The following PPFIBP2 variants were observed in gnomAD, a reference collection of about 807,000 sequenced individuals.
PPFIBP2 encodes the protein liprin-beta-2.
PPFIBP2 carries 118 observed loss-of-function variants against 118.3 expected under a neutral mutation model. The ratio of observed to expected loss-of-function variants is 1.00; its 90% CI spans 0.86 to 1.16. The LOEUF is 1.16. PPFIBP2 is among the 50% of genes most tolerant of loss of function. The pLI is 0.00. For synonymous variants in PPFIBP2, 414 were observed against 397.4 expected (o/e 1.04, Z -0.50); for missense variants, 1,195 against 1,073.1 (o/e 1.11, Z -1.59).
chr11:7,666,540 T>C, the PPFIBP2 span: 2 of 1,612,794 alleles, frequency 1.2e-6, no homozygotes, highest in East Asian at 4.5e-5. Context: ...GACCAAGATA[T>C]CCTCCTCTGT....
intron 3 of PPFIBP2, among the ~76,000 whole-genome samples, chr11:7,582,079 G>T (rs1857346854): frequency 6.6e-6 from 1 of 151,908 alleles, no homozygotes; most frequent in Non-Finnish European, 1.5e-5. Flanking sequence ...CTCAGATGAT[G>T]CGCCCGCCTC....
chr11:7,590,893 G>T (rs553443643), intron 3 of PPFIBP2, among the ~76,000 whole-genome samples: 2 of 152,292 alleles, frequency 1.3e-5, no homozygotes, highest in East Asian at 3.9e-4. Flanking sequence ...CTATGAAAAC[G>T]TGAAGTTTCT....
At chr11:7,628,200 A>C in intron 8 of PPFIBP2, 85 bp from the exon 9 acceptor site, 1 of 1,173,014 alleles carries the variant, frequency 8.5e-7, no homozygotes, top group Non-Finnish European at 1.2e-6. Context: ...GCAAGTCTTC[A>C]TTTGAACTTG....
intron 5 of PPFIBP2, among the ~76,000 whole-genome samples, chr11:7,609,458 G>C (rs977575368): frequency 6.6e-6 from 1 of 152,260 alleles, no homozygotes; most frequent in Non-Finnish European, 1.5e-5. Flanking sequence ...TGGACTTTAG[G>C]AAATGCTCCT....
chr11:7,652,651 G>C (rs1385007788), intron 23 of PPFIBP2, among the ~76,000 whole-genome samples: 1 of 152,236 alleles, frequency 6.6e-6, no homozygotes, highest in African/African-American at 2.4e-5. Flanking sequence ...AGATGGGAAA[G>C]GGTTGGGGTG....
At chr11:7,642,762 T>C (rs1204585449) in intron 17 of PPFIBP2, among the ~76,000 whole-genome samples, 1 of 152,256 alleles carries the variant, frequency 6.6e-6, no homozygotes, top group Non-Finnish European at 1.5e-5. Flanking sequence ...TAATTACTGG[T>C]TATGATATGT....
At chr11:7,605,484 C>T (rs1424981055) in intron 5 of PPFIBP2, among the ~76,000 whole-genome samples, 2 of 152,188 alleles carry the variant, frequency 1.3e-5, no homozygotes, top group South Asian at 4.1e-4. Flanking sequence ...CAAATTTGTA[C>T]AGAAACCAAC....
At chr11:7,552,746 A>G (rs755302416) in intron 2 of PPFIBP2, among the ~76,000 whole-genome samples, 31 of 152,080 alleles carry the variant, frequency 2.0e-4, no homozygotes, top group South Asian at 4.2e-4. Context: ...CACTTTAACC[A>G]TGAGCTTGCC....
At chr11:7,632,037 A>T (rs1850827716) in intron 11 of PPFIBP2, among the ~76,000 whole-genome samples, 1 of 152,234 alleles carries the variant, frequency 6.6e-6, no homozygotes, top group African/African-American at 2.4e-5. Context: ...CATTAGCTCA[A>T]GGTGGCTCCG....
At chr11:7,552,540 A>G (rs1028272807) in intron 2 of PPFIBP2, among the ~76,000 whole-genome samples, 1 of 152,112 alleles carries the variant, frequency 6.6e-6, no homozygotes, top group Non-Finnish European at 1.5e-5. Context: ...TTGCTCCCTT[A>G]TAGACTGTTT....
chr11:7,565,637 T>A lies in PPFIBP2; in HGVS notation c.149T>A (p.Val50Glu). The part of the protein sequence containing the change: ...SPASYMNPFP[V>E]LHLIEDLRLA... ...GCCTCCTACATGAACCCCTTCCCGG[T>A]GCTCCATCTCATCGAGGACTTGAGG... The change falls in exon 3 of 24, where the codon GTG (valine) becomes GAG (glutamate). Residue 50 changes from valine to glutamate, a missense_variant. By Grantham distance (121) the Val-to-Glu change is moderately radical (BLOSUM62 -2). Transcript: ENST00000299492. The A allele has an allele frequency of 6.2e-7, 1 of 1,614,220 alleles. No homozygotes were observed. The highest frequency in any genetic ancestry group is 8.5e-7 in the Non-Finnish European group (1 of 1,180,026).
chr11:7,602,250 T>C (rs568864939), intron 5 of PPFIBP2, among the ~76,000 whole-genome samples: 21 of 152,180 alleles, frequency 1.4e-4, no homozygotes, highest in Admixed American at 6.5e-5. Context: ...ATCAAGGCAT[T>C]GCTCAGCTGC....
chr11:7,654,919 G>A (rs1458050742), downstream of PPFIBP2, among the ~76,000 whole-genome samples: 1 of 152,174 alleles, frequency 6.6e-6, no homozygotes, highest in African/African-American at 2.4e-5. Flanking sequence ...AATCTACAGT[G>A]TCTAAGTAGG....
intron 1 of PPFIBP2, among the ~76,000 whole-genome samples, chr11:7,515,049 A>C (rs75137218): frequency 0.044 from 6,757 of 152,318 alleles, 214 homozygotes; most frequent in Non-Finnish European, 0.072. Flanking sequence ...CAACTACAGA[A>C]AAGTAGTTGG....
chr11:7,588,077 C>G (rs1858536526), intron 3 of PPFIBP2, among the ~76,000 whole-genome samples: 1 of 152,180 alleles, frequency 6.6e-6, no homozygotes, highest in African/African-American at 2.4e-5. Context: ...CCCTAAAATG[C>G]AATGTTCTCC....
At chr11:7,564,448 A>C (rs1420556407) in intron 2 of PPFIBP2, among the ~76,000 whole-genome samples, 2 of 152,226 alleles carry the variant, frequency 1.3e-5, no homozygotes, top group African/African-American at 2.4e-5. Flanking sequence ...CAAATTTAAG[A>C]GCATATAGAG....
At chr11:7,559,658 C>T (rs1331364239) in intron 2 of PPFIBP2, among the ~76,000 whole-genome samples, 1 of 152,042 alleles carries the variant, frequency 6.6e-6, no homozygotes, top group Non-Finnish European at 1.5e-5. Flanking sequence ...TGCAAGCTTC[C>T]CTGCCGTTGG....
chr11:7,564,425 C>T (rs542580567), intron 2 of PPFIBP2, among the ~76,000 whole-genome samples: 9 of 152,086 alleles, frequency 5.9e-5, no homozygotes, highest in Non-Finnish European at 1.2e-4. Flanking sequence ...TATGGATATA[C>T]ATAATAATAA....
At chr11:7,618,861 C>T (rs950853520) in intron 6 of PPFIBP2, among the ~76,000 whole-genome samples, 1 of 149,104 alleles carries the variant, frequency 6.7e-6, no homozygotes, top group Admixed American at 6.7e-5. Flanking sequence ...GGATTACAGG[C>T]GTGAGCCACC....
Sources: allele counts gnomAD v4.1 joint callset (sites outside exome capture counted in the v4.1 genomes callset), GRCh38; gene constraint gnomAD v4.1.1; transcripts MANE v1.5; gene names NCBI Gene and HGNC (gene_info 2026-07-23, HGNC 2026-07-21).